The following REDIC1 variants were observed in gnomAD, a reference collection of about 807,000 sequenced individuals.
REDIC1 encodes regulator of DNA class I crossover intermediates 1, also known as HEI10 Interacting Protein 1.
At chr12:39,845,962 T>A in the REDIC1 span, among the ~76,000 whole-genome samples, 1 of 152,150 alleles carries the variant, frequency 6.6e-6, no homozygotes, top group Non-Finnish European at 1.5e-5. Flanking sequence ...TTTTCTCATA[T>A]GATTGTACAG....
the REDIC1 span, among the ~76,000 whole-genome samples, chr12:39,771,666 A>C: frequency 6.6e-6 from 1 of 152,128 alleles, no homozygotes; most frequent in African/African-American, 2.4e-5. Context: ...TGTGTGTTGC[A>C]GTAGTAAATG....
the REDIC1 span, among the ~76,000 whole-genome samples, chr12:39,679,635 A>C: frequency 6.6e-6 from 1 of 152,178 alleles, no homozygotes; most frequent in African/African-American, 2.4e-5. Flanking sequence ...ACAGAACTAG[A>C]AAAAATATCC....
At chr12:39,878,521 C>T in the REDIC1 span, among the ~76,000 whole-genome samples, 1 of 152,058 alleles carries the variant, frequency 6.6e-6, no homozygotes, top group Admixed American at 6.6e-5. Flanking sequence ...GTTCATGTGT[C>T]AGGGGTCTGT....
chr12:39,722,173 G>A, the REDIC1 span, among the ~76,000 whole-genome samples: 1 of 152,034 alleles, frequency 6.6e-6, no homozygotes. Context: ...TTTATACACA[G>A]ATGTATCACT....
At chr12:39,632,677 AC>A in the REDIC1 span, among the ~76,000 whole-genome samples, 2 of 152,144 alleles carry the variant, frequency 1.3e-5, no homozygotes, top group African/African-American at 4.8e-5. Flanking sequence ...GCTTACAGAA[AC>A]CTAGGGGGTC....
chr12:39,883,406 G>A, the REDIC1 span, among the ~76,000 whole-genome samples: 1 of 152,136 alleles, frequency 6.6e-6, no homozygotes, highest in Non-Finnish European at 1.5e-5. Flanking sequence ...TATGACTTGG[G>A]AGCTTTTGAT....
the REDIC1 span, among the ~76,000 whole-genome samples, chr12:39,839,570 T>G: frequency 6.6e-6 from 1 of 151,910 alleles, no homozygotes; most frequent in Non-Finnish European, 1.5e-5. Flanking sequence ...TTCTAAAAAT[T>G]TTCCCTCTTT....
chr12:39,772,398 A>G, the REDIC1 span, among the ~76,000 whole-genome samples: 1 of 152,284 alleles, frequency 6.6e-6, no homozygotes, highest in South Asian at 2.1e-4. Flanking sequence ...CAAAAGAATA[A>G]TCACCGTGCT....
the REDIC1 span, among the ~76,000 whole-genome samples, chr12:39,881,329 A>T: frequency 7.0e-6 from 1 of 142,090 alleles, no homozygotes; most frequent in Admixed American, 6.9e-5. Flanking sequence ...GGTTTATGTT[A>T]AAAAAAAAAC....
the REDIC1 span, among the ~76,000 whole-genome samples, chr12:39,659,447 C>T: frequency 6.6e-6 from 1 of 152,010 alleles, no homozygotes; most frequent in African/African-American, 2.4e-5. Flanking sequence ...TCTCAGTTTA[C>T]TGGTGCTCTG....
the REDIC1 span, among the ~76,000 whole-genome samples, chr12:39,730,059 G>A: frequency 2.0e-5 from 3 of 152,062 alleles, no homozygotes; most frequent in Non-Finnish European, 2.9e-5. Context: ...TGTCTTTGCA[G>A]GTGGGATCAG....
chr12:39,680,766 A>ATG, the REDIC1 span, among the ~76,000 whole-genome samples: 288 of 64,128 alleles, frequency 4.5e-3, no homozygotes, highest in African/African-American at 0.01. Flanking sequence ...GAAAATACAT[A>ATG]CGCACACACA....
chr12:39,643,644 A>G, the REDIC1 span: 2 of 644,900 alleles, frequency 3.1e-6, no homozygotes, highest in East Asian at 3.1e-5. Context: ...TAATGTATTT[A>G]TAAACATATA....
chr12:39,780,090 T>C, the REDIC1 span, among the ~76,000 whole-genome samples: 2 of 152,234 alleles, frequency 1.3e-5, no homozygotes, highest in African/African-American at 2.4e-5. Context: ...TTTGATGAAA[T>C]TGACTAACGT....
the REDIC1 span, among the ~76,000 whole-genome samples, chr12:39,709,544 T>G: frequency 1.3e-5 from 2 of 150,702 alleles, no homozygotes; most frequent in South Asian, 2.1e-4. Flanking sequence ...CCATTTTACC[T>G]TCTGTTTCTG....
the REDIC1 span, among the ~76,000 whole-genome samples, chr12:39,821,632 C>G: frequency 1.3e-5 from 2 of 152,152 alleles, no homozygotes; most frequent in Non-Finnish European, 2.9e-5. Flanking sequence ...TCTAATGGAA[C>G]ACCTTCTATT....
chr12:39,660,585 G>C, the REDIC1 span, among the ~76,000 whole-genome samples: 1 of 151,918 alleles, frequency 6.6e-6, no homozygotes, highest in African/African-American at 2.4e-5. Flanking sequence ...TGCATGCATG[G>C]AATGTGTAAT....
chr12:39,869,177 G>A, the REDIC1 span, among the ~76,000 whole-genome samples: 1 of 152,134 alleles, frequency 6.6e-6, no homozygotes, highest in Non-Finnish European at 1.5e-5. Context: ...AACTAACACA[G>A]AATCAGTATA....
chr12:39,652,128 C>G, the REDIC1 span, among the ~76,000 whole-genome samples: 1 of 152,080 alleles, frequency 6.6e-6, no homozygotes, highest in South Asian at 2.1e-4. Flanking sequence ...GGACATAGCA[C>G]AACGTATTCA....
Sources: allele counts gnomAD v4.1 joint callset (sites outside exome capture counted in the v4.1 genomes callset), GRCh38; gene constraint gnomAD v4.1.1; transcripts MANE v1.5; gene names NCBI Gene and HGNC (gene_info 2026-07-23, HGNC 2026-07-21).